Variants in TJP1 observed in about 807,000 individuals in gnomAD.
The protein encoded by TJP1 is tight junction protein ZO-1.
Under a neutral mutation model 194.2 loss-of-function variants are expected in TJP1, and 43 were observed. That is an observed-to-expected ratio of 0.22 (90% CI 0.17 to 0.29). TJP1 has a LOEUF of 0.29. Ranked by LOEUF, TJP1 falls within the 10% of genes least tolerant of loss-of-function variation. The probability of loss-of-function intolerance (pLI) is 1.00; values close to 1 mark genes in which losing one functional copy is unlikely to be tolerated. For synonymous variants in TJP1, 801 were observed against 779.0 expected (o/e 1.03, Z -0.47); for missense variants, 1,971 against 2,185.7 (o/e 0.90, Z 1.96).
intron 2 of TJP1, among the ~76,000 whole-genome samples, chr15:29,795,256 T>C (rs965578225): frequency 2.6e-5 from 4 of 151,526 alleles, no homozygotes; most frequent in Non-Finnish European, 4.4e-5. Flanking sequence ...AAACACCGGC[T>C]CTACTAAAAA....
At chr15:29,749,968 G>C (rs1595748786) in intron 8 of TJP1, among the ~76,000 whole-genome samples, 1 of 151,638 alleles carries the variant, frequency 6.6e-6, no homozygotes, top group East Asian at 1.9e-4. Context: ...TCAGCCTCCT[G>C]AGTAGCTGGG....
At chr15:29,782,241 A>G (rs1374976729) in intron 2 of TJP1, among the ~76,000 whole-genome samples, 1 of 152,196 alleles carries the variant, frequency 6.6e-6, no homozygotes. Flanking sequence ...AAAAGCCAAG[A>G]CAATCCTAAG....
chr15:29,904,151 G>A (rs1265802727), intron 2 of TJP1, among the ~76,000 whole-genome samples: 1 of 152,142 alleles, frequency 6.6e-6, no homozygotes, highest in Non-Finnish European at 1.5e-5. Context: ...GCAAAAGGGT[G>A]GCGGGTGCTG....
intron 2 of TJP1, among the ~76,000 whole-genome samples, chr15:29,906,723 G>A (rs145730758): frequency 0.015 from 2,279 of 151,694 alleles, 57 homozygotes; most frequent in African/African-American, 0.053. Context: ...GGGACCACAG[G>A]TGTGTATCAC....
intron 2 of TJP1, among the ~76,000 whole-genome samples, chr15:29,779,942 AAAAC>A (rs145086594): frequency 0.096 from 14,522 of 151,404 alleles, 944 homozygotes; most frequent in Non-Finnish European, 0.15. Flanking sequence ...GCCATATTCT[AAAAC>A]AAACAAACAA....
At chr15:29,965,496 GCCA>G in intron 1 of TJP1, among the ~76,000 whole-genome samples, 1 of 152,252 alleles carries the variant, frequency 6.6e-6, no homozygotes, top group South Asian at 2.1e-4. Context: ...ACAGGTATGA[GCCA>G]CCACGTCAGG....
At chr15:29,770,007 C>T (rs1380193659) in intron 4 of TJP1, among the ~76,000 whole-genome samples, 1 of 151,942 alleles carries the variant, frequency 6.6e-6, no homozygotes, top group Non-Finnish European at 1.5e-5. Context: ...TGGCTCCATG[C>T]GTGTTACTGC....
At chr15:29,940,683 A>C (rs1274345819) in intron 2 of TJP1, among the ~76,000 whole-genome samples, 1 of 152,252 alleles carries the variant, frequency 6.6e-6, no homozygotes, top group African/African-American at 2.4e-5. Context: ...ACTGAAAAGT[A>C]ATGAAATAAT....
At chr15:29,881,822 C>T (rs1004589648) in intron 2 of TJP1, among the ~76,000 whole-genome samples, 1 of 151,944 alleles carries the variant, frequency 6.6e-6, no homozygotes, top group African/African-American at 2.4e-5. Flanking sequence ...TGGTCTATTC[C>T]CTAACACTAC....
At chr15:29,959,981 G>A (rs1335872839) in intron 1 of TJP1, among the ~76,000 whole-genome samples, 1 of 152,106 alleles carries the variant, frequency 6.6e-6, no homozygotes, top group African/African-American at 2.4e-5. Context: ...GAAAAATAGA[G>A]TTATAAAACT....
At chr15:29,909,632 C>T (rs1268981928) in intron 2 of TJP1, among the ~76,000 whole-genome samples, 1 of 152,082 alleles carries the variant, frequency 6.6e-6, no homozygotes, top group Non-Finnish European at 1.5e-5. Flanking sequence ...GTCCTCAGCA[C>T]CTACAGGAGA....
intron 2 of TJP1, among the ~76,000 whole-genome samples, chr15:29,878,433 C>A (rs1323128420): frequency 1.3e-5 from 2 of 152,200 alleles, no homozygotes; most frequent in Non-Finnish European, 2.9e-5. Flanking sequence ...AGCCTCTGGA[C>A]TTTCCCCAGA....
chr15:29,833,779 C>A (rs1384131420), intron 2 of TJP1, among the ~76,000 whole-genome samples: 2 of 147,024 alleles, frequency 1.4e-5, no homozygotes, highest in Non-Finnish European at 3.0e-5. Context: ...ACTACTCACA[C>A]AACGCCACCC....
chr15:29,763,452 C>G (rs1479738416), intron 5 of TJP1, among the ~76,000 whole-genome samples: 1 of 152,118 alleles, frequency 6.6e-6, no homozygotes, highest in South Asian at 2.1e-4. Flanking sequence ...AATTAACAGA[C>G]CTATTACCTA....
chr15:29,788,307 T>C (rs1037245023), intron 2 of TJP1, among the ~76,000 whole-genome samples: 1 of 152,198 alleles, frequency 6.6e-6, no homozygotes, highest in Non-Finnish European at 1.5e-5. Context: ...AAGTTTCTAA[T>C]TTTGATGGGG....
chr15:29,759,163 G>A (rs1035449726), intron 8 of TJP1: 1 of 152,148 alleles, frequency 6.6e-6, no homozygotes, highest in Non-Finnish European at 1.5e-5. Flanking sequence ...CTTCCTAAAA[G>A]AACGTGCTCC....
At chr15:29,918,331 T>C (rs1719337) in intron 2 of TJP1, among the ~76,000 whole-genome samples, 40,986 of 152,132 alleles carry the variant, frequency 0.27, 5,925 homozygotes, top group African/African-American at 0.38. Context: ...TTTCTAGTGA[T>C]TCACTCTTAC....
rs572569813 is a variant in TJP1 at position 29,708,690 on chromosome 15, A to G, written c.4719T>C (p.Thr1573=). The G allele has an allele frequency of 3.7e-6, 6 of 1,614,232 alleles. No individual in the cohort carries two copies. The highest frequency in any genetic ancestry group is 3.3e-5 in the Admixed American group (2 of 60,028). The part of the protein sequence containing the change: ...LSSKTPTSPK[T]LVKSHSLAQP... Reference sequence around the variant, plus strand: ...GTGCCAAACTGTGCGATTTCACAAGAGTTTTTGGAGAAGTGGGAGTTTTTG... The same window carrying G: ...GTGCCAAACTGTGCGATTTCACAAGGGTTTTTGGAGAAGTGGGAGTTTTTG... The change falls in exon 25 of 28, where the codon ACT becomes ACC. Residue 1573 remains threonine (T), a synonymous_variant. Transcript: ENST00000614355.
chr15:29,739,843 C>A (rs1447748424), intron 10 of TJP1, among the ~76,000 whole-genome samples: 1 of 152,070 alleles, frequency 6.6e-6, no homozygotes, highest in Non-Finnish European at 1.5e-5. Flanking sequence ...ACTATCTATG[C>A]CTGCACAATT....
Sources: allele counts gnomAD v4.1 joint callset (sites outside exome capture counted in the v4.1 genomes callset), GRCh38; gene constraint gnomAD v4.1.1; transcripts MANE v1.5; gene names NCBI Gene and HGNC (gene_info 2026-07-23, HGNC 2026-07-21).